The following CABCOCO1 variants were observed in gnomAD, a reference collection of about 807,000 sequenced individuals.
CABCOCO1 encodes the protein ciliary-associated calcium-binding coiled-coil protein 1.
In CABCOCO1, 28 loss-of-function variants were observed where a neutral mutation model predicts 35.7. That is an observed-to-expected ratio of 0.78 (90% CI 0.58 to 1.07). The LOEUF (loss-of-function observed/expected upper bound fraction) is 1.07. Ranked by LOEUF, CABCOCO1 falls within the 50% of genes least tolerant of loss-of-function variation. CABCOCO1 has a pLI of 0.00. For synonymous variants in CABCOCO1, 95 were observed against 100.1 expected, an observed-to-expected ratio of 0.95 and a Z score of 0.30; for missense variants, 326 against 309.2, an observed-to-expected ratio of 1.05 and a Z score of -0.41.
At chr10:61,687,412 T>G (rs955231558) in intron 4 of CABCOCO1, among the ~76,000 whole-genome samples, 22 of 152,310 alleles carry the variant, frequency 1.4e-4, no homozygotes, top group Non-Finnish European at 2.8e-4. Flanking sequence ...ACTTTGCACA[T>G]TGTATTAGCA....
chr10:61,666,180 C>T (rs1196953369), intron 1 of CABCOCO1, among the ~76,000 whole-genome samples: 1 of 152,186 alleles, frequency 6.6e-6, no homozygotes, highest in African/African-American at 2.4e-5. Context: ...ACTCTCTCTA[C>T]ATTGGGTCGT....
At chr10:61,664,595 G>A (rs1839107834) in intron 1 of CABCOCO1, among the ~76,000 whole-genome samples, 1 of 152,130 alleles carries the variant, frequency 6.6e-6, no homozygotes, top group South Asian at 2.1e-4. Context: ...ATGCAATTCA[G>A]GATGTGCTCA....
intron 5 of CABCOCO1, among the ~76,000 whole-genome samples, chr10:61,759,360 C>G (rs1841961169): frequency 1.3e-5 from 2 of 152,028 alleles, no homozygotes; most frequent in African/African-American, 4.8e-5. Flanking sequence ...CCTCATCTCC[C>G]CTTTCCCTCC....
intron 5 of CABCOCO1, among the ~76,000 whole-genome samples, chr10:61,748,480 C>T (rs992202821): frequency 4.6e-5 from 7 of 152,118 alleles, no homozygotes; most frequent in Admixed American, 1.3e-4. Flanking sequence ...TGTGTGAGTA[C>T]CTTCCACATA....
intron 5 of CABCOCO1, among the ~76,000 whole-genome samples, chr10:61,703,505 A>C (rs1206994566): frequency 1.3e-5 from 2 of 152,194 alleles, no homozygotes; most frequent in African/African-American, 2.4e-5. Context: ...AGCAAAATAC[A>C]TTAAATAAAT....
intron 5 of CABCOCO1, among the ~76,000 whole-genome samples, chr10:61,742,552 G>A (rs916889948): frequency 2.6e-5 from 4 of 152,142 alleles, no homozygotes; most frequent in African/African-American, 9.7e-5. Flanking sequence ...CCTGCTAATT[G>A]TGGGGCCTTG....
chr10:61,757,700 G>GGC (rs140772516), intron 5 of CABCOCO1, among the ~76,000 whole-genome samples: 1 of 147,770 alleles, frequency 6.8e-6, no homozygotes, highest in South Asian at 2.2e-4. Context: ...CACACACACA[G>GGC]ACACACACAC....
chr10:61,727,136 ACTT>A lies in CABCOCO1; in HGVS notation c.553-32919_553-32917del, dbSNP rs1841174467. On this transcript the variant is annotated intron_variant, in intron 5 of 7. Coordinates refer to ENST00000648843, the MANE Select transcript of CABCOCO1 (RefSeq NM_001366906.2). ...GCTATCACCTTCTATTAGATTATAA[ACTT>A]CTTGAAGGCAGGATTATTTCTTATA... 2.0e-5 allele frequency among the ~76,000 whole-genome samples: 3 copies of A among 152,178 alleles called. No homozygotes were observed. The South Asian group carries it at 6.2e-4, about 31-fold the overall frequency.
intron 5 of CABCOCO1, among the ~76,000 whole-genome samples, chr10:61,714,396 T>C (rs191448747): frequency 0.014 from 2,123 of 152,294 alleles, 42 homozygotes; most frequent in African/African-American, 0.048. Flanking sequence ...TTGATTCTTC[T>C]CTCTTTTCTT....
At chr10:61,751,578 T>C (rs1489932204) in intron 5 of CABCOCO1, among the ~76,000 whole-genome samples, 1 of 152,108 alleles carries the variant, frequency 6.6e-6, no homozygotes, top group Non-Finnish European at 1.5e-5. Flanking sequence ...TGGACAAGCT[T>C]CAGCCTGTCA....
At chr10:61,747,248 A>G (rs533068599) in intron 5 of CABCOCO1, among the ~76,000 whole-genome samples, 3 of 152,152 alleles carry the variant, frequency 2.0e-5, no homozygotes, top group African/African-American at 7.2e-5. Context: ...TAGATAAAGA[A>G]TTGGTGTGGT....
At chr10:61,666,965 T>TATATATTATATATAAATATAATC (rs1839196432) in intron 1 of CABCOCO1, among the ~76,000 whole-genome samples, 2 of 140,734 alleles carry the variant, frequency 1.4e-5, no homozygotes, top group African/African-American at 5.2e-5. Context: ...TAAATATAAT[T>TATATATTATATATAAATATAATC]ATATATTATA....
intron 1 of CABCOCO1, among the ~76,000 whole-genome samples, chr10:61,670,747 G>A (rs1367120761): frequency 6.6e-6 from 1 of 152,004 alleles, no homozygotes; most frequent in African/African-American, 2.4e-5. Flanking sequence ...TTTTTGTGTA[G>A]CTGCTGCTGT....
intron 5 of CABCOCO1, among the ~76,000 whole-genome samples, chr10:61,740,680 A>G (rs551740926): frequency 7.9e-5 from 12 of 152,080 alleles, no homozygotes; most frequent in Non-Finnish European, 1.8e-4. Flanking sequence ...TATGCAGGGT[A>G]CCTTCTTTTG....
chr10:61,680,581 T>A lies in CABCOCO1; in HGVS notation c.165-562T>A, dbSNP rs1589116430. On this transcript the variant is annotated intron_variant, in intron 2 of 7. Transcript: ENST00000648843. Reference sequence around the variant, plus strand: ...ATATATATTTGTATATATTATGTTATATATAACATATGTTATACATGTATA... The same window carrying A: ...ATATATATTTGTATATATTATGTTAAATATAACATATGTTATACATGTATA... Among the ~76,000 whole-genome samples the A allele has an allele frequency of 2.1e-5, 2 of 95,298 alleles. 1 individual carries two copies. Among genetic ancestry groups the A allele is most frequent in the African/African-American group, 7.3e-5 (2 of 27,552 alleles). 62.5% of individuals were successfully genotyped at this position (95,298 alleles called of 152,430 possible).
At chr10:61,739,474 T>C (rs923689046) in intron 5 of CABCOCO1, among the ~76,000 whole-genome samples, 7 of 152,240 alleles carry the variant, frequency 4.6e-5, no homozygotes, top group Non-Finnish European at 7.3e-5. Context: ...GATTGCAAGT[T>C]TTAAGCATGA....
intron 5 of CABCOCO1, among the ~76,000 whole-genome samples, chr10:61,756,905 T>A (rs538549430): frequency 6.6e-6 from 1 of 152,066 alleles, no homozygotes; most frequent in South Asian, 2.1e-4. Context: ...GAAAAAAAAA[T>A]GAGACAATTA....
At chr10:61,680,691 A>ATATAT (rs1564532809) in intron 2 of CABCOCO1, among the ~76,000 whole-genome samples, 2 of 95,394 alleles carry the variant, frequency 2.1e-5, no homozygotes, top group African/African-American at 8.5e-5. Context: ...ATACATGTAT[A>ATATAT]ACATATATAT....
intron 5 of CABCOCO1, among the ~76,000 whole-genome samples, chr10:61,744,657 G>A (rs1837091326): frequency 6.6e-6 from 1 of 152,088 alleles, no homozygotes; most frequent in African/African-American, 2.4e-5. Context: ...TATGTTGGCT[G>A]GCATATCAGC....
Sources: allele counts gnomAD v4.1 joint callset (sites outside exome capture counted in the v4.1 genomes callset), GRCh38; gene constraint gnomAD v4.1.1; transcripts MANE v1.5; gene names NCBI Gene and HGNC (gene_info 2026-07-23, HGNC 2026-07-21).